NXPE2: variants seen among roughly 807,000 people sequenced by gnomAD.
NXPE2 encodes NXPE family member 2.
A neutral mutation model predicts 34.4 loss-of-function variants in NXPE2; 34 were observed. The ratio of observed to expected loss-of-function variants is 0.99; its 90% CI spans 0.75 to 1.31. The LOEUF (loss-of-function observed/expected upper bound fraction) is 1.31. Among genes scored for constraint, NXPE2 ranks in the 40% most tolerant of loss-of-function variants. NXPE2 has a pLI of 0.00. For missense variants in NXPE2, 649 were observed against 672.5 expected (o/e 0.97, Z 0.39); for synonymous variants, 235 against 231.3 (o/e 1.02, Z -0.15).
At chr11:114,560,282 T>C in the NXPE2 span, among the ~76,000 whole-genome samples, 2 of 151,442 alleles carry the variant, frequency 1.3e-5, no homozygotes, top group African/African-American at 2.4e-5. Flanking sequence ...TCTTTTTTTT[T>C]TTTTTTTGGA....
the NXPE2 span, among the ~76,000 whole-genome samples, chr11:114,546,593 T>A: frequency 6.6e-6 from 1 of 151,882 alleles, no homozygotes; most frequent in Non-Finnish European, 1.5e-5. Flanking sequence ...TGGGGCACCA[T>A]GCCTGGCCAA....
the NXPE2 span, among the ~76,000 whole-genome samples, chr11:114,595,346 T>C: frequency 2.6e-5 from 4 of 152,168 alleles, no homozygotes; most frequent in Admixed American, 1.3e-4. Context: ...TTTTCCATGA[T>C]TCATCTTAAC....
the NXPE2 span, chr11:114,521,738 T>A: frequency 2.2e-6 from 1 of 448,132 alleles, no homozygotes; most frequent in Non-Finnish European, 3.9e-6. Flanking sequence ...ACTTTTTTAA[T>A]ATTTTAAACG....
the NXPE2 span, among the ~76,000 whole-genome samples, chr11:114,470,582 C>CGTGTGTGTGTGTGT: frequency 2.8e-5 from 4 of 144,834 alleles, no homozygotes; most frequent in African/African-American, 5.1e-5. Flanking sequence ...AAAGAATTGA[C>CGTGTGTGTGTGTGT]GTGTGTGTGT....
At chr11:114,699,321 C>T (rs192126736) in intron 3 of NXPE2, among the ~76,000 whole-genome samples, 383 of 152,276 alleles carry the variant, frequency 2.5e-3, no homozygotes, top group Non-Finnish European at 4.4e-3. Flanking sequence ...GATTTCTCTG[C>T]CCTCAGTCCT....
chr11:114,805,629 C>G, the NXPE2 span, among the ~76,000 whole-genome samples: 145,586 of 152,270 alleles, frequency 0.96, 69,941 homozygotes, highest in Middle Eastern at 1. Context: ...AAGGTGGCAG[C>G]GAGGTTGGGG....
chr11:114,530,368 A>G, the NXPE2 span: 1 of 1,614,220 alleles, frequency 6.2e-7, no homozygotes, highest in East Asian at 2.2e-5. Context: ...AAGACATGAG[A>G]GGTGCCATTA....
the NXPE2 span, among the ~76,000 whole-genome samples, chr11:114,481,368 T>C: frequency 6.6e-6 from 1 of 152,124 alleles, no homozygotes; most frequent in Non-Finnish European, 1.5e-5. Flanking sequence ...TTAAAACACA[T>C]ACGATAATTT....
chr11:114,647,063 G>A, the NXPE2 span, among the ~76,000 whole-genome samples: 1 of 152,172 alleles, frequency 6.6e-6, no homozygotes, highest in Non-Finnish European at 1.5e-5. Flanking sequence ...ACACCTGCTT[G>A]CAATGTGCCC....
the NXPE2 span, among the ~76,000 whole-genome samples, chr11:114,653,533 C>CTTTTTT: frequency 5.8e-5 from 6 of 103,512 alleles, no homozygotes; most frequent in African/African-American, 1.7e-4. Flanking sequence ...CCTGCTTTCC[C>CTTTTTT]TTTTTTTTTT....
chr11:114,618,270 T>A, the NXPE2 span, among the ~76,000 whole-genome samples: 3 of 152,038 alleles, frequency 2.0e-5, no homozygotes, highest in African/African-American at 7.2e-5. Context: ...ACCCACTGGA[T>A]AATAAGTATT....
the NXPE2 span, among the ~76,000 whole-genome samples, chr11:114,495,298 C>T: frequency 6.6e-6 from 1 of 152,082 alleles, no homozygotes; most frequent in Admixed American, 6.5e-5. Flanking sequence ...TCCTTCCTCA[C>T]AGGGCAGTGA....
chr11:114,759,338 T>C, the NXPE2 span, among the ~76,000 whole-genome samples: 3 of 152,200 alleles, frequency 2.0e-5, no homozygotes, highest in Admixed American at 2.0e-4. Flanking sequence ...GTGGGGAAGC[T>C]GTTTCATGTC....
the NXPE2 span, among the ~76,000 whole-genome samples, chr11:114,714,160 G>T: frequency 6.6e-6 from 1 of 152,170 alleles, no homozygotes; most frequent in Non-Finnish European, 1.5e-5. Flanking sequence ...ATTAGCTTGT[G>T]GTTGGCTTTA....
At chr11:114,524,878 A>C in the NXPE2 span, among the ~76,000 whole-genome samples, 14 of 152,212 alleles carry the variant, frequency 9.2e-5, no homozygotes, top group Admixed American at 2.0e-4. Flanking sequence ...GGGTAATAAT[A>C]TCAGGATTCT....
the NXPE2 span, among the ~76,000 whole-genome samples, chr11:114,581,039 A>G: frequency 6.6e-6 from 1 of 152,168 alleles, no homozygotes; most frequent in African/African-American, 2.4e-5. Context: ...TAAAAATAAC[A>G]TTTCTACATC....
chr11:114,796,801 G>A, the NXPE2 span, among the ~76,000 whole-genome samples: 1 of 152,200 alleles, frequency 6.6e-6, no homozygotes, highest in Non-Finnish European at 1.5e-5. Flanking sequence ...GATGAGCAAA[G>A]TGCTGTGTGA....
chr11:114,802,632 TA>T, the NXPE2 span, among the ~76,000 whole-genome samples: 2 of 152,120 alleles, frequency 1.3e-5, no homozygotes, highest in Non-Finnish European at 2.9e-5. Flanking sequence ...TTTTAATAAT[TA>T]TTTTTTTCTT....
At chr11:114,639,317 G>T in the NXPE2 span, among the ~76,000 whole-genome samples, 1 of 152,022 alleles carries the variant, frequency 6.6e-6, no homozygotes, top group Non-Finnish European at 1.5e-5. Flanking sequence ...TAAGCCCGTC[G>T]GAAAAGTGCA....
Sources: allele counts gnomAD v4.1 joint callset (sites outside exome capture counted in the v4.1 genomes callset), GRCh38; gene constraint gnomAD v4.1.1; transcripts MANE v1.5; gene names NCBI Gene and HGNC (gene_info 2026-07-23, HGNC 2026-07-21).